Variants in ROBO2 observed in about 807,000 individuals in gnomAD.
ROBO2 encodes the protein roundabout guidance receptor 2, also known as roundabout homolog 2.
In ROBO2, 53 loss-of-function variants were observed where a neutral mutation model predicts 160.8. The observed-to-expected ratio is 0.33, with a 90% CI of 0.26 to 0.41. ROBO2 has a LOEUF of 0.41. ROBO2 is among the 10% of genes least tolerant of loss of function. The probability of loss-of-function intolerance (pLI) is 1.00; values close to 1 mark genes in which losing one functional copy is unlikely to be tolerated. For synonymous variants in ROBO2, 664 were observed against 611.7 expected, an observed-to-expected ratio of 1.09 and a Z score of -1.26; for missense variants, 1,577 against 1,722.4, an observed-to-expected ratio of 0.92 and a Z score of 1.49.
rs1022563789 is a variant in ROBO2 at position 76,253,760 on chromosome 3, C to A, written c.109+316158C>A. ...GCTATTTTAATTGGAATAAGAAAAT[C>A]AAGTGAGATAGCATATCCATTCCAG... On this transcript the variant is annotated intron_variant, in intron 2 of 26. Transcript: ENST00000487694. 6.6e-5 allele frequency among the ~76,000 whole-genome samples: 10 copies of A among 151,072 alleles called. No individual in the cohort carries two copies. In the Admixed American group the frequency reaches 6.6e-4, roughly 10 times the overall value.
chr3:76,423,911 T>C (rs1209477909), intron 2 of ROBO2, among the ~76,000 whole-genome samples: 3 of 152,190 alleles, frequency 2.0e-5, no homozygotes, highest in Non-Finnish European at 4.4e-5. Flanking sequence ...GAGCTCCATC[T>C]GACCCTGTCC....
intron 2 of ROBO2, among the ~76,000 whole-genome samples, chr3:76,794,202 A>T (rs1006517528): frequency 6.6e-6 from 1 of 151,964 alleles, no homozygotes; most frequent in African/African-American, 2.4e-5. Flanking sequence ...TATGGAAAAA[A>T]TTAGTAGAAC....
At chr3:76,992,477 T>C (rs113908112) in intron 2 of ROBO2, among the ~76,000 whole-genome samples, 205 of 151,650 alleles carry the variant, frequency 1.4e-3, no homozygotes, top group African/African-American at 4.8e-3. Flanking sequence ...AAAGAAGACT[T>C]AATGCCACCC....
At chr3:77,534,894 G>T (rs1418719060) in intron 6 of ROBO2, among the ~76,000 whole-genome samples, 2 of 152,120 alleles carry the variant, frequency 1.3e-5, no homozygotes, top group Non-Finnish European at 2.9e-5. Context: ...AAATGTTGGT[G>T]CAGTTAATTG....
intron 1 of ROBO2, among the ~76,000 whole-genome samples, chr3:77,096,808 C>A (rs2150065046): frequency 6.6e-6 from 1 of 152,232 alleles, no homozygotes; most frequent in South Asian, 2.1e-4. Context: ...ACAGGGAAGT[C>A]ACTGGTACGA....
At chr3:76,503,639 T>C (rs1237423642) in intron 2 of ROBO2, among the ~76,000 whole-genome samples, 1 of 152,100 alleles carries the variant, frequency 6.6e-6, no homozygotes, top group Non-Finnish European at 1.5e-5. Context: ...AAAAGAAAAT[T>C]TCGTGACAAC....
At chr3:77,038,706 G>A (rs1362962979), upstream of ROBO2, among the ~76,000 whole-genome samples, 1 of 152,136 alleles carries the variant, frequency 6.6e-6, no homozygotes, top group Non-Finnish European at 1.5e-5. Context: ...ACGTGGGCCC[G>A]GCCGCACCGG....
intron 2 of ROBO2, among the ~76,000 whole-genome samples, chr3:77,016,078 G>A (rs1037548499): frequency 2.6e-5 from 4 of 152,012 alleles, no homozygotes; most frequent in Admixed American, 6.5e-5. Context: ...CCGGGTTCAC[G>A]CCATTCTCCT....
At position 76,992,358 on chromosome 3, in the gene ROBO2, TATATATATATA is replaced by T. The variant is rs1559812205; in HGVS notation, c.110-105654_110-105644del. ...ATATATATATATATATATATATATA[TATATATATATA>T]AATTTAGCTTTTGTAAAAAAAAAGT... On this transcript the variant is annotated intron_variant, in intron 2 of 26. Coordinates refer to the ROBO2 transcript ENST00000487694. 8.1e-3 allele frequency among the ~76,000 whole-genome samples: 570 copies of T among 70,042 alleles called. 8 individuals are homozygous for T. The highest frequency in any genetic ancestry group is 0.022 in the African/African-American group (420 of 18,992). The allele number at this position is 70,042 out of a possible 152,430, so 46.0% of individuals were successfully genotyped here.
intron 2 of ROBO2, among the ~76,000 whole-genome samples, chr3:76,732,996 G>T (rs1020730531): frequency 7.1e-6 from 1 of 140,560 alleles, no homozygotes; most frequent in African/African-American, 2.6e-5. Flanking sequence ...ACTGGGGGTG[G>T]GGGGGGGAGG....
At chr3:76,814,200 C>G (rs1297123658) in intron 2 of ROBO2, among the ~76,000 whole-genome samples, 1 of 152,126 alleles carries the variant, frequency 6.6e-6, no homozygotes, top group East Asian at 1.9e-4. Flanking sequence ...TCAAAATAGA[C>G]TGACTGTTTC....
chr3:77,401,281 A>G (rs1391902721), intron 2 of ROBO2, among the ~76,000 whole-genome samples: 1 of 151,344 alleles, frequency 6.6e-6, no homozygotes, highest in East Asian at 1.9e-4. Context: ...AAAAAACTCA[A>G]AGAGGGGATT....
At chr3:77,221,433 T>C (rs2085775418) in intron 2 of ROBO2, among the ~76,000 whole-genome samples, 1 of 152,182 alleles carries the variant, frequency 6.6e-6, no homozygotes, top group African/African-American at 2.4e-5. Flanking sequence ...GTGACACTGA[T>C]CGAATGTGAA....
At chr3:76,727,858 TAAC>T (rs926961025) in intron 2 of ROBO2, among the ~76,000 whole-genome samples, 38 of 152,084 alleles carry the variant, frequency 2.5e-4, no homozygotes, top group Admixed American at 9.8e-4. Context: ...TGACTATAGT[TAAC>T]AACAATGTAT....
chr3:76,968,482 T>C (rs2059417117), intron 2 of ROBO2, among the ~76,000 whole-genome samples: 1 of 152,134 alleles, frequency 6.6e-6, no homozygotes, highest in Non-Finnish European at 1.5e-5. Flanking sequence ...ATGCATATAA[T>C]CAATAGTTAA....
At chr3:76,799,668 A>G (rs1417371183) in intron 2 of ROBO2, among the ~76,000 whole-genome samples, 2 of 152,170 alleles carry the variant, frequency 1.3e-5, no homozygotes, top group Non-Finnish European at 2.9e-5. Context: ...AGCCAAAGAA[A>G]TAAAAGATCT....
chr3:75,931,122 T>C (rs1371655376), intron 1 of ROBO2, among the ~76,000 whole-genome samples: 1 of 152,184 alleles, frequency 6.6e-6, no homozygotes, highest in East Asian at 1.9e-4. Context: ...CTTTTGTGCT[T>C]CATCCAGATT....
At chr3:76,470,734 G>T (rs1280701007) in intron 2 of ROBO2, among the ~76,000 whole-genome samples, 1 of 152,090 alleles carries the variant, frequency 6.6e-6, no homozygotes, top group African/African-American at 2.4e-5. Flanking sequence ...AACTCTAGAA[G>T]AATATTAATA....
At chr3:77,477,563 A>G in exon 3 of ROBO2, 1 of 1,614,086 alleles carries the variant, frequency 6.2e-7, no homozygotes, top group Non-Finnish European at 8.5e-7. Flanking sequence ...CAAGGAAGAA[A>G]GAATAAGTGT....
Sources: allele counts gnomAD v4.1 joint callset (sites outside exome capture counted in the v4.1 genomes callset), GRCh38; gene constraint gnomAD v4.1.1; transcripts MANE v1.5; gene names NCBI Gene and HGNC (gene_info 2026-07-23, HGNC 2026-07-21).